The following ZNF69 variants were observed in gnomAD, a reference collection of about 807,000 sequenced individuals.
ZNF69 encodes the protein zinc finger protein 69.
In ZNF69, 47 loss-of-function variants were observed where a neutral mutation model predicts 50.9. The ratio of observed to expected loss-of-function variants is 0.92; its 90% CI spans 0.73 to 1.18. The LOEUF is 1.18. ZNF69 is among the 50% of genes most tolerant of loss of function. The probability of loss-of-function intolerance (pLI) is 0.00; values close to 1 mark genes in which losing one functional copy is unlikely to be tolerated. For missense variants in ZNF69, 717 were observed against 675.1 expected (o/e 1.06, Z -0.69); for synonymous variants, 216 against 223.1 (o/e 0.97, Z 0.29).
intron 1 of ZNF69, 56 bp from the exon 2 acceptor site, chr19:11,903,516 AG>A (rs2145235245): frequency 1.2e-6 from 2 of 1,607,386 alleles, no homozygotes; most frequent in African/African-American, 2.7e-5. Context: ...AATAGAGTCT[AG>A]GCCCCCAGTG....
At chr19:11,947,397 G>C in the ZNF69 span, 1 of 1,605,432 alleles carries the variant, frequency 6.2e-7, no homozygotes, top group South Asian at 1.1e-5. Flanking sequence ...AACATAGACA[G>C]GAAATACCTT....
chr19:11,976,809 G>T, the ZNF69 span: 8 of 1,257,878 alleles, frequency 6.4e-6, no homozygotes, highest in Middle Eastern at 8.9e-4. Flanking sequence ...AGCCAAGATC[G>T]CATCATTATA....
the ZNF69 span, chr19:11,950,095 C>G: frequency 6.2e-7 from 1 of 1,614,038 alleles, no homozygotes; most frequent in African/African-American, 1.3e-5. Flanking sequence ...TGCCAAGATT[C>G]TTCAAATACA....
chr19:11,979,387 A>G, the ZNF69 span: 33 of 1,611,984 alleles, frequency 2.0e-5, no homozygotes, highest in East Asian at 7.1e-4. Context: ...AAGCCTTCAG[A>G]TCTGCCTCAC....
chr19:11,898,371 A>G (rs1220335263), intron 1 of ZNF69, among the ~76,000 whole-genome samples: 1 of 146,244 alleles, frequency 6.8e-6, no homozygotes, highest in Non-Finnish European at 1.5e-5. Flanking sequence ...TTCCAGGCTC[A>G]TAGTTCCTCC....
chr19:11,934,297 G>T, the ZNF69 span, among the ~76,000 whole-genome samples: 1 of 147,672 alleles, frequency 6.8e-6, no homozygotes, highest in African/African-American at 2.7e-5. Context: ...AGTTCATTTG[G>T]GTCAATATTG....
At chr19:11,955,005 T>A in the ZNF69 span, among the ~76,000 whole-genome samples, 74 of 149,072 alleles carry the variant, frequency 5.0e-4, no homozygotes, top group African/African-American at 1.8e-3. Flanking sequence ...AATTTTTTTT[T>A]TTTTTTTTTT....
chr19:11,978,055 ATACTT>A, the ZNF69 span: 17 of 1,572,058 alleles, frequency 1.1e-5, no homozygotes, highest in Non-Finnish European at 1.4e-5. Flanking sequence ...TGCAAGTGCA[ATACTT>A]GATTAATACA....
chr19:11,938,600 A>G, the ZNF69 span, among the ~76,000 whole-genome samples: 101 of 152,284 alleles, frequency 6.6e-4, no homozygotes, highest in African/African-American at 2.3e-3. Flanking sequence ...TTCCATGTGT[A>G]TATGTGCCAC....
At chr19:11,950,310 C>A in the ZNF69 span, 2 of 1,539,826 alleles carry the variant, frequency 1.3e-6, no homozygotes, top group Non-Finnish European at 1.8e-6. Context: ...ACTATGAATG[C>A]AAGCAATGTG....
chr19:11,924,984 C>T, the ZNF69 span: 57 of 475,416 alleles, frequency 1.2e-4, no homozygotes, highest in East Asian at 2.3e-3. Context: ...CTCTGCGGGG[C>T]CTGATACCCA....
At chr19:11,915,334 A>G (rs1411203625), downstream of ZNF69, among the ~76,000 whole-genome samples, 1 of 152,236 alleles carries the variant, frequency 6.6e-6, no homozygotes, top group Non-Finnish European at 1.5e-5. Flanking sequence ...TTGACCCCAA[A>G]TGTGACTTTC....
the ZNF69 span, chr19:11,950,123 G>C: frequency 6.2e-7 from 1 of 1,614,132 alleles, no homozygotes. Context: ...ACACACATTG[G>C]AGAGAAACAC....
rs1204094210 is a variant in ZNF69, at chr19:11,904,770, T to A, written c.373T>A (p.Ser125Thr). The A allele has an allele frequency of 6.2e-7, 1 of 1,613,800 alleles. No individual in the cohort carries two copies. Among genetic ancestry groups the A allele is most frequent in the Non-Finnish European group, 8.5e-7 (1 of 1,179,872 alleles). Residue 125 changes from serine to threonine, a missense_variant, in exon 4 of 4, where the codon TCA becomes ACA. By Grantham distance (58) the Ser-to-Thr change is moderately conservative (BLOSUM62 1). Coordinates refer to ENST00000429654, the MANE Select transcript of ZNF69 (RefSeq NM_001364730.1). ...GAAGAAAGCTTCTCCTGAAATAAAA[T>A]CATGTGACAGCTTTGTGTGTGGAGA... ...QEKKASPEIK[S>T]CDSFVCGEVG...
chr19:11,949,178 C>G, the ZNF69 span: 4 of 1,612,812 alleles, frequency 2.5e-6, no homozygotes, highest in Admixed American at 1.7e-5. Context: ...AAAACTCACA[C>G]TGGAGAGAAA....
chr19:11,926,339 G>C, the ZNF69 span, among the ~76,000 whole-genome samples: 1 of 152,124 alleles, frequency 6.6e-6, no homozygotes, highest in Non-Finnish European at 1.5e-5. Context: ...CAATTTTCAG[G>C]GTTTTTTGCG....
At chr19:11,915,670 G>A (rs1454298749), downstream of ZNF69, among the ~76,000 whole-genome samples, 2 of 152,152 alleles carry the variant, frequency 1.3e-5, no homozygotes, top group African/African-American at 2.4e-5. Flanking sequence ...TTGGGAGGCC[G>A]AGGTGGGTGG....
the ZNF69 span, chr19:11,949,547 A>T: frequency 1.2e-6 from 2 of 1,611,320 alleles, no homozygotes; most frequent in Non-Finnish European, 1.7e-6. Flanking sequence ...GAAAGACCTT[A>T]TAAATGTAGT....
the ZNF69 span, among the ~76,000 whole-genome samples, chr19:11,954,726 CAGA>C: frequency 1.3e-5 from 2 of 151,878 alleles, no homozygotes; most frequent in Admixed American, 6.6e-5. Context: ...GAGGCTGAGG[CAGA>C]AGGAGAACCA....
Sources: allele counts gnomAD v4.1 joint callset (sites outside exome capture counted in the v4.1 genomes callset), GRCh38; gene constraint gnomAD v4.1.1; transcripts MANE v1.5; gene names NCBI Gene and HGNC (gene_info 2026-07-23, HGNC 2026-07-21).